Variants in GLRB observed in about 807,000 individuals in gnomAD.
The protein encoded by GLRB is glycine receptor beta.
In GLRB, 33 loss-of-function variants were observed where a neutral mutation model predicts 54.2. The observed-to-expected ratio is 0.61, with a 90% CI of 0.46 to 0.81. GLRB has a LOEUF of 0.81. Ranked by LOEUF, GLRB falls within the 40% of genes least tolerant of loss-of-function variation. The probability of loss-of-function intolerance (pLI) is 0.00; values close to 1 mark genes in which losing one functional copy is unlikely to be tolerated. For synonymous variants in GLRB, 209 were observed against 208.2 expected, an observed-to-expected ratio of 1.00 and a Z score of -0.03; for missense variants, 572 against 584.6, an observed-to-expected ratio of 0.98 and a Z score of 0.22.
At chr4:157,129,044 C>T (rs1736118359) in intron 4 of GLRB, among the ~76,000 whole-genome samples, 1 of 151,794 alleles carries the variant, frequency 6.6e-6, no homozygotes, top group Admixed American at 6.6e-5. Flanking sequence ...ATTAAAATAT[C>T]ATTTATGAAA....
At chr4:157,132,065 C>T (rs913417341) in intron 4 of GLRB, among the ~76,000 whole-genome samples, 4 of 151,638 alleles carry the variant, frequency 2.6e-5, no homozygotes, top group African/African-American at 7.3e-5. Context: ...TCCTTGCGTT[C>T]GTTTTTGTCA....
chr4:157,152,623 G>T, intron 8 of GLRB, 95 bp from the exon 9 acceptor site: 1 of 945,264 alleles, frequency 1.1e-6, no homozygotes, highest in Non-Finnish European at 1.7e-6. Flanking sequence ...TGGGTCATTG[G>T]AAGTTACTGG....
intron 7 of GLRB, 105 bp downstream of exon 7, chr4:157,139,054 T>G: frequency 1.5e-6 from 1 of 656,220 alleles, no homozygotes; most frequent in East Asian, 2.7e-5. Context: ...AACTTAAAAT[T>G]AAATTAGCAA....
intron 9 of GLRB, among the ~76,000 whole-genome samples, chr4:157,160,366 T>G (rs1438333519): frequency 6.6e-6 from 1 of 152,166 alleles, no homozygotes; most frequent in Non-Finnish European, 1.5e-5. Context: ...ATGTCTTGCC[T>G]TCTGCTAGCT....
intron 2 of GLRB, chr4:157,091,506 A>C: frequency 6.6e-6 from 1 of 152,330 alleles, no homozygotes; most frequent in Non-Finnish European, 1.5e-5. Flanking sequence ...ACATTTTATT[A>C]TTACTATGAT....
At chr4:157,081,717 T>A (rs1024939087) in intron 2 of GLRB, among the ~76,000 whole-genome samples, 1 of 152,176 alleles carries the variant, frequency 6.6e-6, no homozygotes, top group African/African-American at 2.4e-5. Flanking sequence ...CTTCATTGAC[T>A]CCTTTTCAGT....
intron 9 of GLRB, among the ~76,000 whole-genome samples, chr4:157,167,295 T>C (rs1737746243): frequency 6.6e-6 from 1 of 152,220 alleles, no homozygotes; most frequent in African/African-American, 2.4e-5. Context: ...TACAGTCTGT[T>C]CTCCACTTCT....
At chr4:157,133,753 G>A (rs1454819007) in intron 4 of GLRB, among the ~76,000 whole-genome samples, 1 of 151,880 alleles carries the variant, frequency 6.6e-6, no homozygotes, top group East Asian at 1.9e-4. Flanking sequence ...AGAAAATGAA[G>A]GAAAGCTGCT....
intron 2 of GLRB, among the ~76,000 whole-genome samples, chr4:157,096,318 C>T (rs1469619428): frequency 6.6e-6 from 1 of 152,064 alleles, no homozygotes; most frequent in African/African-American, 2.4e-5. Flanking sequence ...CTGAAAGTGC[C>T]AGGGGGTACT....
chr4:157,161,504 G>T (rs1027126116), intron 9 of GLRB, among the ~76,000 whole-genome samples: 3 of 152,096 alleles, frequency 2.0e-5, no homozygotes, highest in African/African-American at 7.2e-5. Context: ...CTTCCTTCAG[G>T]AGCTCTTTTA....
intron 2 of GLRB, among the ~76,000 whole-genome samples, chr4:157,099,822 G>C (rs1352461168): frequency 6.6e-6 from 1 of 152,040 alleles, no homozygotes; most frequent in Non-Finnish European, 1.5e-5. Context: ...ATAATAACTT[G>C]ATATTATTGG....
intron 6 of GLRB, 27 bp from the exon 7 acceptor site, chr4:157,138,782 C>G: frequency 8.5e-7 from 1 of 1,170,560 alleles, no homozygotes; most frequent in Non-Finnish European, 1.3e-6. Flanking sequence ...ATATTTTAAA[C>G]TAACATTTAT....
intron 4 of GLRB, among the ~76,000 whole-genome samples, chr4:157,134,508 T>C (rs1262011824): frequency 6.6e-6 from 1 of 151,906 alleles, no homozygotes; most frequent in Admixed American, 6.6e-5. Flanking sequence ...AAAATAAAAA[T>C]CTAAAGTAAA....
At chr4:157,164,866 T>C (rs1175207612) in intron 9 of GLRB, among the ~76,000 whole-genome samples, 10 of 152,060 alleles carry the variant, frequency 6.6e-5, no homozygotes. Flanking sequence ...CTTTAAAGCA[T>C]TAAAATTAAA....
At chr4:157,091,034 G>A (rs1041800909) in intron 2 of GLRB, among the ~76,000 whole-genome samples, 4 of 151,964 alleles carry the variant, frequency 2.6e-5, no homozygotes, top group Admixed American at 2.6e-4. Context: ...CTATGGTGTT[G>A]CATGAAAATG....
At chr4:157,143,055 G>C (rs540423960) in intron 7 of GLRB, among the ~76,000 whole-genome samples, 1 of 152,200 alleles carries the variant, frequency 6.6e-6, no homozygotes, top group East Asian at 1.9e-4. Flanking sequence ...GATTAATTTG[G>C]GGGACTAGTT....
At chr4:157,086,837 ACTT>A (rs1476004387) in intron 2 of GLRB, among the ~76,000 whole-genome samples, 2 of 152,072 alleles carry the variant, frequency 1.3e-5, no homozygotes, top group East Asian at 3.9e-4. Context: ...AGTATTTAGA[ACTT>A]CTTTTTATGC....
intron 2 of GLRB, among the ~76,000 whole-genome samples, chr4:157,116,842 T>C (rs1399050930): frequency 6.6e-6 from 1 of 151,746 alleles, no homozygotes; most frequent in African/African-American, 2.4e-5. Flanking sequence ...ATGTGAATTG[T>C]TGATTAAACA....
chr4:157,170,172 T>C (rs1737864192), intron 9 of GLRB, among the ~76,000 whole-genome samples: 1 of 152,104 alleles, frequency 6.6e-6, no homozygotes, highest in South Asian at 2.1e-4. Context: ...AAAATTAATC[T>C]GAGCTTTGAT....
Sources: gnomAD v4.1 joint callset for allele counts (sites outside exome capture counted in the v4.1 genomes callset) on GRCh38, gnomAD v4.1.1 for gene constraint, MANE v1.5 for transcripts, NCBI Gene and HGNC (gene_info 2026-07-23, HGNC 2026-07-21) for gene names.